The following RBFOX1 variants were observed in gnomAD, a reference collection of about 807,000 sequenced individuals.
The protein encoded by RBFOX1 is RNA binding protein fox-1 homolog 1.
Under a neutral mutation model 57.7 loss-of-function variants are expected in RBFOX1, and 8 were observed. The observed-to-expected ratio is 0.14, with a 90% confidence interval of 0.08 to 0.25. The LOEUF (loss-of-function observed/expected upper bound fraction) is 0.25, where lower values mean the gene tolerates loss of function less well. Among genes scored for constraint, RBFOX1 ranks in the 10% least tolerant of loss-of-function variants. The probability of loss-of-function intolerance (pLI) is 1.00; values close to 1 mark genes in which losing one functional copy is unlikely to be tolerated. For missense variants in RBFOX1, 611 were observed against 548.5 expected (o/e 1.11, Z -1.14); for synonymous variants, 326 against 222.4 (o/e 1.47, Z -4.15).
At chr16:6,000,408 T>C (rs2060576297) in intron 4 of RBFOX1, among the ~76,000 whole-genome samples, 1 of 152,092 alleles carries the variant, frequency 6.6e-6, no homozygotes, top group African/African-American at 2.4e-5. Flanking sequence ...TGTGGGGGCG[T>C]TTCCTTTGCC....
intron 3 of RBFOX1, among the ~76,000 whole-genome samples, chr16:5,749,934 G>C (rs2053130726): frequency 6.6e-6 from 1 of 152,206 alleles, no homozygotes; most frequent in African/African-American, 2.4e-5. Context: ...TAGAGGGGGA[G>C]AGGTACTCTG....
chr16:5,458,784 G>T (rs753399127), intron 1 of RBFOX1, among the ~76,000 whole-genome samples: 1 of 152,144 alleles, frequency 6.6e-6, no homozygotes, highest in Non-Finnish European at 1.5e-5. Context: ...GCATCCATCC[G>T]TCCATCCATT....
At chr16:6,827,824 C>T (rs968949988) in intron 3 of RBFOX1, among the ~76,000 whole-genome samples, 1 of 152,236 alleles carries the variant, frequency 6.6e-6, no homozygotes, top group Non-Finnish European at 1.5e-5. Context: ...GCAGGAATGC[C>T]TGCCTTGAAA....
At chr16:5,272,502 G>A (rs1231477089) in intron 1 of RBFOX1, among the ~76,000 whole-genome samples, 1 of 152,218 alleles carries the variant, frequency 6.6e-6, no homozygotes, top group Non-Finnish European at 1.5e-5. Context: ...TGAGATCAGT[G>A]TAGGGATTCA....
At chr16:5,363,876 T>C (rs1351377467) in intron 1 of RBFOX1, among the ~76,000 whole-genome samples, 1 of 152,224 alleles carries the variant, frequency 6.6e-6, no homozygotes, top group East Asian at 1.9e-4. Context: ...TTTTTCTGCC[T>C]AGGCGTTTGC....
chr16:5,393,136 T>G (rs543526627), intron 1 of RBFOX1, among the ~76,000 whole-genome samples: 1 of 152,134 alleles, frequency 6.6e-6, no homozygotes, highest in East Asian at 1.9e-4. Context: ...GTGATGGAAA[T>G]GGACTCTTGT....
chr16:5,604,816 A>G (rs2047508775), downstream of RBFOX1, among the ~76,000 whole-genome samples: 2 of 152,052 alleles, frequency 1.3e-5, no homozygotes. Context: ...AGACCACTTC[A>G]GTGTTTGACC....
chr16:6,799,946 T>A (rs2084979377), intron 3 of RBFOX1, among the ~76,000 whole-genome samples: 1 of 152,158 alleles, frequency 6.6e-6, no homozygotes, highest in South Asian at 2.1e-4. Flanking sequence ...CGTCTTGTGA[T>A]GATGTGAGTC....
At chr16:6,384,855 T>C (rs2092132319) in intron 2 of RBFOX1, among the ~76,000 whole-genome samples, 1 of 152,220 alleles carries the variant, frequency 6.6e-6, no homozygotes, top group Admixed American at 6.5e-5. Context: ...GGGAGGTTTC[T>C]TTTCTAACTA....
chr16:6,553,071 G>GC (rs1386783500), intron 2 of RBFOX1, among the ~76,000 whole-genome samples: 7 of 152,260 alleles, frequency 4.6e-5, no homozygotes, highest in African/African-American at 1.7e-4. Flanking sequence ...TCCAGTTACA[G>GC]CCAGAGTCTC....
intron 4 of RBFOX1, among the ~76,000 whole-genome samples, chr16:7,162,979 A>T (rs968765766): frequency 2.0e-5 from 3 of 152,172 alleles, no homozygotes; most frequent in Non-Finnish European, 4.4e-5. Flanking sequence ...GTCACCTGGC[A>T]TCTCCACGAT....
At chr16:6,367,881 A>C (rs1188867843) in intron 2 of RBFOX1, among the ~76,000 whole-genome samples, 1 of 152,022 alleles carries the variant, frequency 6.6e-6, no homozygotes, top group Non-Finnish European at 1.5e-5. Context: ...TAAATCGTCA[A>C]CTCCTACTGT....
At chr16:6,478,418 TATATATATATA>T (rs1374907668) in intron 2 of RBFOX1, among the ~76,000 whole-genome samples, 1,698 of 20,396 alleles carry the variant, frequency 0.083, 32 homozygotes, top group Non-Finnish European at 0.095. Flanking sequence ...TATATATATA[TATATATATATA>T]TTTTTTTTTT....
intron 4 of RBFOX1, among the ~76,000 whole-genome samples, chr16:7,071,440 A>G (rs2057314133): frequency 6.6e-6 from 1 of 152,112 alleles, no homozygotes; most frequent in Non-Finnish European, 1.5e-5. Context: ...GTGGCAGATC[A>G]TTTAAAGGAT....
intron 2 of RBFOX1, among the ~76,000 whole-genome samples, chr16:6,527,503 A>G (rs920298129): frequency 3.3e-5 from 5 of 152,068 alleles, no homozygotes; most frequent in African/African-American, 1.2e-4. Flanking sequence ...TATAATTTTT[A>G]TGGATTTTTG....
At position 7,472,577 on chromosome 16, in the gene RBFOX1, G is replaced by T. The variant is rs185853344; in HGVS notation, c.28-45570G>T. ...GCAAATATACAACATAGCGTTTACT[G>T]TGAAACGACTCCTTCCACTTCTGTC... On this transcript the variant is annotated intron_variant, in intron 4 of 15. Coordinates refer to ENST00000550418, the MANE Select transcript of RBFOX1 (RefSeq NM_018723.4). Among the ~76,000 whole-genome samples the T allele has an allele frequency of 3.9e-5, 6 of 152,290 alleles. No individual in the cohort carries two copies. The East Asian group carries it at 1.2e-3, about 29-fold the overall frequency.
At chr16:7,203,011 C>T (rs759765311) in intron 4 of RBFOX1, among the ~76,000 whole-genome samples, 4 of 152,124 alleles carry the variant, frequency 2.6e-5, no homozygotes, top group African/African-American at 4.8e-5. Flanking sequence ...TGGTCTGGAT[C>T]TCCTGACCTC....
intron 4 of RBFOX1, among the ~76,000 whole-genome samples, chr16:7,157,892 C>A (rs186444340): frequency 1.2e-4 from 19 of 152,204 alleles, no homozygotes; most frequent in African/African-American, 4.6e-4. Flanking sequence ...TCACTTTGAC[C>A]CATTGGTAGA....
rs531369126 is a variant in RBFOX1 at position 7,510,040 on chromosome 16, C to T, written c.28-8107C>T. On this transcript the variant is annotated intron_variant, in intron 4 of 15. Transcript: ENST00000550418. ...TGCGCTGTGAAACTGAGAGTAGGAG[C>T]CAGAGGAGGAGCAAGCTGTGATTGA... is the stretch of plus-strand genomic sequence containing the variant. 61 of 535,222 alleles carry T rather than the reference C, an allele frequency of 1.1e-4. 1 individual carries two copies. The Admixed American group carries it at 2.1e-3, about 18-fold the overall frequency. 33.2% of individuals were successfully genotyped at this position (535,222 alleles called of 1,614,324 possible). A position where few individuals can be genotyped will look rare whatever the true frequency, so the allele number is the denominator to read the frequency against.
Sources: gnomAD v4.1 joint callset for allele counts (sites outside exome capture counted in the v4.1 genomes callset) on GRCh38, gnomAD v4.1.1 for gene constraint, MANE v1.5 for transcripts, NCBI Gene and HGNC (gene_info 2026-07-23, HGNC 2026-07-21) for gene names.